Variants in PIAS2 observed in about 807,000 individuals in gnomAD.
The protein encoded by PIAS2 is E3 SUMO-protein ligase PIAS2.
Under a neutral mutation model 69.7 loss-of-function variants are expected in PIAS2, and 19 were observed. The observed-to-expected ratio is 0.27, with a 90% CI of 0.19 to 0.40. The LOEUF is 0.40. Ranked by LOEUF, PIAS2 falls within the 10% of genes least tolerant of loss-of-function variation. The pLI is 1.00. For synonymous variants in PIAS2, 261 were observed against 263.2 expected (o/e 0.99, Z 0.08); for missense variants, 624 against 757.0 (o/e 0.82, Z 2.06).
chr18:46,833,925 G>C (rs1475336013), intron 9 of PIAS2, among the ~76,000 whole-genome samples: 6 of 152,002 alleles, frequency 3.9e-5, no homozygotes, highest in Non-Finnish European at 8.8e-5. Flanking sequence ...TACCTTAATG[G>C]GATCACCTAT....
chr18:46,890,757 A>G lies in PIAS2; in HGVS notation c.322T>C (p.Ser108Pro), dbSNP rs1406581663. 2 of 1,614,180 alleles carry G rather than the reference A, an allele frequency of 1.2e-6. No homozygotes were observed. Reference protein sequence around the residue: ...VAGIHSLPSTSVTPHSPSSPV... With the variant: ...VAGIHSLPSTPVTPHSPSSPV... Reference sequence around the variant, plus strand: ...GAGGATGGTGAGTGAGGTGTAACTGAAGTGGAAGGCAACGAGTGGATTCCA... The same window carrying G: ...GAGGATGGTGAGTGAGGTGTAACTGGAGTGGAAGGCAACGAGTGGATTCCA... The change falls in exon 2 of 14, where the codon TCA becomes CCA. Residue 108 changes from serine to proline, a missense_variant. Around this residue, in one of 3 missense-constraint regions of PIAS2, gnomAD observed 339 missense variants for 408.8 expected, o/e 0.83. Transcript: ENST00000585916.
intron 2 of PIAS2, among the ~76,000 whole-genome samples, chr18:46,884,399 G>A (rs941957527): frequency 1.4e-4 from 21 of 151,624 alleles, no homozygotes; most frequent in African/African-American, 5.1e-4. Flanking sequence ...TGCAAGCTCC[G>A]CCTCCCAGAT....
chr18:46,812,328 A>C lies in PIAS2; in HGVS notation c.*105T>G, dbSNP rs994895676. On this transcript the variant is annotated 3_prime_UTR_variant, in exon 14 of 14. Coordinates refer to ENST00000585916, the MANE Select transcript of PIAS2 (RefSeq NM_004671.5). ...AAAAGAATCCATCTGACTTTCAATA[A>C]ATACCAAATTATTAAAAAAAAAAAA... The C allele has an allele frequency of 1.5e-6, 1 of 677,196 alleles. No homozygotes were observed. Among genetic ancestry groups the C allele is most frequent in the Non-Finnish European group, 2.4e-6 (1 of 410,692 alleles). The allele number at this position is 677,196 out of a possible 1,614,324, so 41.9% of individuals were successfully genotyped here. A position where few individuals can be genotyped will look rare whatever the true frequency, so the allele number is the denominator to read the frequency against.
At chr18:46,920,087 G>C, upstream of PIAS2, 1 of 1,289,668 alleles carries the variant, frequency 7.8e-7, no homozygotes, top group Non-Finnish European at 1.0e-6. Context: ...TTGCTTCCCA[G>C]CATTCATTCT....
chr18:46,902,526 C>T (rs1440118026), intron 1 of PIAS2, among the ~76,000 whole-genome samples: 1 of 151,942 alleles, frequency 6.6e-6, no homozygotes, highest in Non-Finnish European at 1.5e-5. Context: ...TGCCATTGCA[C>T]TCCAGCCTGG....
chr18:46,815,716 C>T, intron 12 of PIAS2: 1 of 1,005,352 alleles, frequency 9.9e-7, no homozygotes, highest in South Asian at 4.3e-5. Flanking sequence ...CATACTTAAG[C>T]TCTTAAGATA....
At chr18:46,864,653 C>T (rs772921647) in intron 2 of PIAS2, among the ~76,000 whole-genome samples, 3 of 151,876 alleles carry the variant, frequency 2.0e-5, no homozygotes, top group Non-Finnish European at 2.9e-5. Flanking sequence ...GCCTGTAATG[C>T]CAGCTACATG....
chr18:46,904,281 T>C (rs2056291064), intron 1 of PIAS2: 1 of 152,206 alleles, frequency 6.6e-6, no homozygotes, highest in South Asian at 2.1e-4. Flanking sequence ...CTGACAATTA[T>C]CTTCATTAAA....
At chr18:46,895,188 G>T (rs968175740) in intron 1 of PIAS2, among the ~76,000 whole-genome samples, 2 of 152,000 alleles carry the variant, frequency 1.3e-5, no homozygotes, top group Admixed American at 1.3e-4. Flanking sequence ...ACATGAGACA[G>T]AAGCTGCAAT....
chr18:46,866,492 G>A (rs1299047167), intron 2 of PIAS2, among the ~76,000 whole-genome samples: 1 of 152,186 alleles, frequency 6.6e-6, no homozygotes, highest in Non-Finnish European at 1.5e-5. Context: ...GCTGACAGCA[G>A]ACATGCATTA....
At chr18:46,815,886 T>C (rs2041469599) in intron 12 of PIAS2, 1 of 985,566 alleles carries the variant, frequency 1.0e-6, no homozygotes, top group Non-Finnish European at 1.2e-6. Context: ...ATTGCTGCGC[T>C]AACAGGGTTA....
chr18:46,897,759 A>C (rs1247013041), intron 1 of PIAS2, among the ~76,000 whole-genome samples: 1 of 152,258 alleles, frequency 6.6e-6, no homozygotes, highest in Non-Finnish European at 1.5e-5. Context: ...AGCAATAGCT[A>C]ATATACTAAA....
chr18:46,847,943 A>G (rs1158220027), intron 5 of PIAS2, among the ~76,000 whole-genome samples: 1 of 152,214 alleles, frequency 6.6e-6, no homozygotes, highest in East Asian at 1.9e-4. Context: ...TGAAAAGTAG[A>G]TACCATATTT....
Position 46,859,441 on chromosome 18 carries a change from A to G in PIAS2, c.585-3826T>C, listed in dbSNP as rs964725953. 5.9e-5 allele frequency among the ~76,000 whole-genome samples: 8 copies of G among 135,798 alleles called. No individual in the cohort carries two copies. The East Asian group carries it at 1.6e-3, about 27-fold the overall frequency. 89.1% of individuals were successfully genotyped at this position (135,798 alleles called of 152,430 possible). The stretch of plus-strand genomic sequence containing the variant: ...AGACTCCGTCTCAAAAAAAAAAAAA[A>G]AAAAAAAAAAAGAATCAATGAAGTG... On this transcript the variant is annotated intron_variant, in intron 3 of 13. Coordinates refer to ENST00000585916, the MANE Select transcript of PIAS2 (RefSeq NM_004671.5).
intron 12 of PIAS2, chr18:46,818,158 A>G (rs1010280782): frequency 8.5e-5 from 95 of 1,119,340 alleles, no homozygotes; most frequent in Non-Finnish European, 1.0e-4. Flanking sequence ...CATTGATGAC[A>G]ACACATTTTC....
intron 1 of PIAS2, among the ~76,000 whole-genome samples, chr18:46,916,213 T>C (rs2057861220): frequency 6.6e-6 from 1 of 152,196 alleles, no homozygotes; most frequent in African/African-American, 2.4e-5. Flanking sequence ...TCACGTCCAC[T>C]AAGCAGGTAA....
chr18:46,847,253 T>C (rs2046287153), intron 5 of PIAS2, among the ~76,000 whole-genome samples: 1 of 152,068 alleles, frequency 6.6e-6, no homozygotes, highest in South Asian at 2.1e-4. Context: ...AACTGGGAAG[T>C]GAGGGGAAAG....
At position 46,916,925 on chromosome 18, in the gene PIAS2, A is replaced by G. The variant is rs949451791; in HGVS notation, c.24+397T>C. 1.1e-5 allele frequency: 11 copies of G among 985,446 alleles called. No homozygotes were observed. In the Admixed American group the frequency reaches 2.5e-4, roughly 22 times the overall value. The allele number at this position is 985,446 out of a possible 1,614,324, so 61.0% of individuals were successfully genotyped here. A position where few individuals can be genotyped will look rare whatever the true frequency, so the allele number is the denominator to read the frequency against. On this transcript the variant is annotated intron_variant, in intron 1 of 13. Transcript: ENST00000585916. ...GTCCTCCACCAAGTGAGTAGCATGC[A>G]GACTTGTGAATAGCCACAGACACGT...
intron 1 of PIAS2, among the ~76,000 whole-genome samples, chr18:46,912,443 C>T (rs1599130099): frequency 6.6e-6 from 1 of 152,152 alleles, no homozygotes; most frequent in East Asian, 1.9e-4. Context: ...ACAGATGTAA[C>T]CAACCTTTTT....
Sources: allele counts gnomAD v4.1 joint callset (sites outside exome capture counted in the v4.1 genomes callset), GRCh38; gene constraint gnomAD v4.1.1; regional missense constraint gnomAD v4.1.1; transcripts MANE v1.5; gene names NCBI Gene and HGNC (gene_info 2026-07-23, HGNC 2026-07-21).